The following DNMBP variants were observed in gnomAD, a reference collection of about 807,000 sequenced individuals.
DNMBP encodes the protein dynamin binding protein, also known as dynamin-binding protein.
DNMBP carries 87 observed loss-of-function variants against 150.0 expected under a neutral mutation model. That is an observed-to-expected ratio of 0.58 (90% CI 0.49 to 0.69). The LOEUF (loss-of-function observed/expected upper bound fraction) is 0.69, where lower values mean the gene tolerates loss of function less well. Ranked by LOEUF, DNMBP falls within the 30% of genes least tolerant of loss-of-function variation. The pLI, the probability that DNMBP is intolerant of heterozygous loss-of-function variation, is 0.00. For missense variants in DNMBP, 1,774 were observed against 1,949.0 expected, an observed-to-expected ratio of 0.91 and a Z score of 1.69; for synonymous variants, 711 against 750.4, an observed-to-expected ratio of 0.95 and a Z score of 0.86.
At chr10:99,912,640 G>A (rs769569142) in intron 4 of DNMBP, among the ~76,000 whole-genome samples, 1 of 152,114 alleles carries the variant, frequency 6.6e-6, no homozygotes, top group Non-Finnish European at 1.5e-5. Context: ...ACCTGGGTGG[G>A]ACCGGGGTAT....
At chr10:99,964,882 AAAAAT>A (rs889673416) in intron 3 of DNMBP, among the ~76,000 whole-genome samples, 15 of 125,464 alleles carry the variant, frequency 1.2e-4, no homozygotes, top group African/African-American at 4.9e-4. Context: ...AGGAAAAAAA[AAAAAT>A]ATATATATAT....
At chr10:99,895,410 G>A (rs914257199) in intron 10 of DNMBP, among the ~76,000 whole-genome samples, 3 of 152,198 alleles carry the variant, frequency 2.0e-5, no homozygotes, top group South Asian at 4.1e-4. Context: ...TTATAGGCAT[G>A]AGCCACCACG....
At chr10:99,941,364 CAAG>C (rs1214694074) in intron 4 of DNMBP, among the ~76,000 whole-genome samples, 2 of 152,190 alleles carry the variant, frequency 1.3e-5, no homozygotes, top group Non-Finnish European at 2.9e-5. Flanking sequence ...AGCAGGAATT[CAAG>C]AAGTATTGAT....
chr10:99,905,335 C>T (rs1176026893), intron 6 of DNMBP, among the ~76,000 whole-genome samples: 1 of 152,180 alleles, frequency 6.6e-6, no homozygotes, highest in East Asian at 1.9e-4. Flanking sequence ...TGGCATTTGC[C>T]TGCACGACAG....
chr10:99,972,034 C>T lies in DNMBP; in HGVS notation c.91G>A (p.Val31Met). 1 of 1,613,978 alleles carries T rather than the reference C, an allele frequency of 6.2e-7. No individual in the cohort carries two copies. ...CAAAATTCATCCACCACTGCCAGCA[C>T]CTCAATAATATCTCCCACAAAGAGC... ...LPLFVGDIIE[V>M]LAVVDEFWLL... Residue 31 changes from valine to methionine, a missense_variant, in exon 2 of 17, where the codon GTG becomes ATG. Coordinates refer to ENST00000324109, the MANE Select transcript of DNMBP (RefSeq NM_015221.4).
At chr10:99,908,175 G>T in intron 5 of DNMBP, 81 bp from the exon 6 acceptor site, 6 of 1,028,222 alleles carry the variant, frequency 5.8e-6, no homozygotes, top group Non-Finnish European at 8.9e-6. Context: ...AGCTCTTCAA[G>T]AATTGTAGAA....
At chr10:99,886,193 A>G (rs2039459305) in intron 13 of DNMBP, 107 bp downstream of exon 13, 1 of 915,972 alleles carries the variant, frequency 1.1e-6, no homozygotes, top group African/African-American at 1.7e-5. Context: ...CGACACATTC[A>G]GTTTATCTAA....
chr10:99,937,733 G>A (rs2040249753), intron 4 of DNMBP, among the ~76,000 whole-genome samples: 1 of 152,156 alleles, frequency 6.6e-6, no homozygotes. Context: ...ACCACCATGA[G>A]CACACAGAAT....
Position 100,008,175 on chromosome 10 carries a change from G to GA in DNMBP, c.-11+1662dup, listed in dbSNP as rs561401876. 8.5e-4 allele frequency among the ~76,000 whole-genome samples: 129 copies of GA among 152,318 alleles called. 1 individual carries two copies. The highest frequency in any genetic ancestry group is 1.6e-3 in the Non-Finnish European group (106 of 68,024). On this transcript the variant is annotated intron_variant, in intron 1 of 16. Coordinates refer to ENST00000324109, the MANE Select transcript of DNMBP (RefSeq NM_015221.4). ...GCGGATCACCTGAAGTCAGGAGCCA[G>GA]AAAAGAGGAAGAGATTGATGGAACG...
intron 8 of DNMBP, 149 bp downstream of exon 8, chr10:99,898,594 T>C: frequency 1.2e-6 from 1 of 840,366 alleles, no homozygotes; most frequent in Non-Finnish European, 2.0e-6. Context: ...AAGTGTTCCC[T>C]TGGGGATAAG....
At chr10:99,894,428 C>A (rs893961021) in intron 11 of DNMBP, among the ~76,000 whole-genome samples, 1 of 152,214 alleles carries the variant, frequency 6.6e-6, no homozygotes, top group African/African-American at 2.4e-5. Flanking sequence ...CTCACCTGAT[C>A]TCCTTGGCTT....
At chr10:99,950,156 T>G (rs1199898918) in intron 4 of DNMBP, among the ~76,000 whole-genome samples, 6 of 152,150 alleles carry the variant, frequency 3.9e-5, no homozygotes, top group Non-Finnish European at 2.9e-5. Flanking sequence ...AGATGGTGTT[T>G]TGAAAAACGG....
At position 99,984,878 on chromosome 10, in the gene DNMBP, C is replaced by T. The variant is rs2040814478; in HGVS notation, c.-10-12744G>A. Among the ~76,000 whole-genome samples, 8 of 152,102 alleles carry T rather than the reference C, an allele frequency of 5.3e-5. No individual in the cohort carries two copies. The South Asian group carries it at 1.7e-3, about 32-fold the overall frequency. On this transcript the variant is annotated intron_variant, in intron 1 of 16. Transcript: ENST00000324109. ...AAGTAGTTGGAACTACAGGCATGTG[C>T]CCCCACACCCAGATAATGAATTTAC...
chr10:99,950,262 C>G (rs2040404939), intron 4 of DNMBP, among the ~76,000 whole-genome samples: 1 of 152,174 alleles, frequency 6.6e-6, no homozygotes, highest in African/African-American at 2.4e-5. Context: ...GAGGCCTCCC[C>G]AACATGTGGA....
In DNMBP at chr10:99,909,015, CTCTT is replaced by C; in HGVS notation, c.2388_2391del (p.Arg797ThrfsTer37). On this transcript the variant is annotated frameshift_variant, in exon 5 of 17. Transcript: ENST00000324109. LOFTEE classifies it high-confidence loss of function. The stretch of plus-strand genomic sequence containing the variant: ...CACATTTCCAGATCCCGAATGTAGT[CTCTT>C]TCTGTCTGAAGAAGTTCTTCTATGA... The C allele has an allele frequency of 1.2e-6, 2 of 1,614,232 alleles. No homozygotes were observed. The highest frequency in any genetic ancestry group is 1.7e-6 in the Non-Finnish European group (2 of 1,180,048).
rs180696984 is a variant in DNMBP, at chr10:99,904,125, C to T, written c.2554+3870G>A. ...TAAAAATTAGCTGGGTGTGGTGGTACGCATCTGTAGTCCCAGCTACTAGGG... is the reference window on the plus strand; with the variant it reads ...TAAAAATTAGCTGGGTGTGGTGGTATGCATCTGTAGTCCCAGCTACTAGGG... On this transcript the variant is annotated intron_variant, in intron 6 of 16. Coordinates refer to ENST00000324109, the MANE Select transcript of DNMBP (RefSeq NM_015221.4). Among the ~76,000 whole-genome samples, 292 of 151,978 alleles carry T rather than the reference C, an allele frequency of 1.9e-3. 1 individual carries two copies. The highest frequency in any genetic ancestry group is 1.6e-3 in the Admixed American group (25 of 15,248).
chr10:99,947,577 G>C (rs1470670118), intron 4 of DNMBP, among the ~76,000 whole-genome samples: 1 of 151,776 alleles, frequency 6.6e-6, no homozygotes, highest in Admixed American at 6.6e-5. Context: ...GAGGGAGGGA[G>C]GGAGGGAGGG....
intron 1 of DNMBP, among the ~76,000 whole-genome samples, chr10:99,983,942 T>C (rs1309195257): frequency 6.6e-6 from 1 of 152,202 alleles, no homozygotes; most frequent in Admixed American, 6.5e-5. Context: ...GGATTTAAAC[T>C]GAGCAACCCT....
intron 4 of DNMBP, 93 bp from the exon 5 acceptor site, chr10:99,909,239 CAA>C: frequency 1.1e-6 from 1 of 948,152 alleles, no homozygotes; most frequent in Non-Finnish European, 1.6e-6. Context: ...TCCTGAGAAC[CAA>C]AGGTCTCACT....
Sources: allele counts gnomAD v4.1 joint callset (sites outside exome capture counted in the v4.1 genomes callset), GRCh38; gene constraint gnomAD v4.1.1; transcripts MANE v1.5; gene names NCBI Gene and HGNC (gene_info 2026-07-23, HGNC 2026-07-21).